The following RAB38 variants were observed in gnomAD, a reference collection of about 807,000 sequenced individuals.
The protein encoded by RAB38 is RAB38, member RAS oncogene family.
RAB38 carries 15 observed loss-of-function variants against 18.4 expected under a neutral mutation model. The observed-to-expected ratio is 0.82, with a 90% CI of 0.55 to 1.26. The LOEUF (loss-of-function observed/expected upper bound fraction) is 1.26, where lower values mean the gene tolerates loss of function less well. RAB38 is among the 50% of genes most tolerant of loss of function. RAB38 has a pLI of 0.00. For missense variants in RAB38, 294 were observed against 267.4 expected (o/e 1.10, Z -0.69); for synonymous variants, 101 against 104.4 (o/e 0.97, Z 0.20).
the RAB38 span, among the ~76,000 whole-genome samples, chr11:87,806,706 C>T: frequency 2.6e-5 from 4 of 151,976 alleles, no homozygotes; most frequent in Non-Finnish European, 4.4e-5. Flanking sequence ...ATATTTATGA[C>T]AGTGGCAGAG....
At chr11:87,899,954 C>T in the RAB38 span, among the ~76,000 whole-genome samples, 3 of 151,072 alleles carry the variant, frequency 2.0e-5, no homozygotes, top group Admixed American at 2.0e-4. Context: ...CTCTCTACTC[C>T]TTCCGTTTTT....
chr11:87,873,922 G>GTATATATA, the RAB38 span, among the ~76,000 whole-genome samples: 12,799 of 102,632 alleles, frequency 0.12, 1,017 homozygotes, highest in Non-Finnish European at 0.16. Context: ...GTGTGTGTGT[G>GTATATATA]TATATATATA....
the RAB38 span, among the ~76,000 whole-genome samples, chr11:87,924,861 A>T: frequency 2.2e-4 from 34 of 152,122 alleles, no homozygotes; most frequent in African/African-American, 7.7e-4. Flanking sequence ...CTCATTGTGT[A>T]TACAAATGTG....
chr11:87,974,700 C>T, the RAB38 span, among the ~76,000 whole-genome samples: 10 of 150,670 alleles, frequency 6.6e-5, no homozygotes, highest in African/African-American at 2.4e-4. Flanking sequence ...CTGCTGAAAA[C>T]CAAGCCTGCT....
intron 2 of RAB38, among the ~76,000 whole-genome samples, chr11:88,129,635 C>G (rs974298170): frequency 2.0e-5 from 3 of 152,106 alleles, no homozygotes; most frequent in Non-Finnish European, 4.4e-5. Context: ...CAAAGTGAGA[C>G]TCCATCTCAA....
chr11:88,078,795 G>A, the RAB38 span, among the ~76,000 whole-genome samples: 5 of 151,746 alleles, frequency 3.3e-5, no homozygotes, highest in Admixed American at 2.6e-4. Context: ...GAAGAAATAA[G>A]ACTTCGTGTT....
At chr11:88,154,440 G>T (rs1387856044) in intron 1 of RAB38, among the ~76,000 whole-genome samples, 1 of 152,172 alleles carries the variant, frequency 6.6e-6, no homozygotes, top group African/African-American at 2.4e-5. Flanking sequence ...TTTCTACTGG[G>T]CAGTAATACT....
chr11:87,807,297 G>A, the RAB38 span, among the ~76,000 whole-genome samples: 2 of 152,186 alleles, frequency 1.3e-5, no homozygotes, highest in African/African-American at 2.4e-5. Context: ...AACAAAGTTT[G>A]AGATTTAAAG....
At chr11:88,051,128 C>G in the RAB38 span, among the ~76,000 whole-genome samples, 10 of 151,426 alleles carry the variant, frequency 6.6e-5, no homozygotes, top group African/African-American at 1.7e-4. Context: ...GTTTTGGTAC[C>G]CTCTTAATTT....
the RAB38 span, among the ~76,000 whole-genome samples, chr11:87,956,135 TGTAA>T: frequency 0.36 from 54,402 of 151,646 alleles, 10,206 homozygotes; most frequent in South Asian, 0.52. Flanking sequence ...ACCTTGTAAC[TGTAA>T]GTAAGTAAAT....
intron 1 of RAB38, among the ~76,000 whole-genome samples, chr11:88,169,286 G>A (rs892652811): frequency 2.0e-5 from 3 of 152,136 alleles, no homozygotes; most frequent in African/African-American, 7.2e-5. Flanking sequence ...CTTACAAATA[G>A]CATCATTTAC....
the RAB38 span, among the ~76,000 whole-genome samples, chr11:87,866,888 G>C: frequency 6.6e-6 from 1 of 151,704 alleles, no homozygotes; most frequent in Non-Finnish European, 1.5e-5. Context: ...GTGGAGACTT[G>C]GTCAAGTTGG....
At chr11:88,023,241 T>G in the RAB38 span, among the ~76,000 whole-genome samples, 1 of 152,020 alleles carries the variant, frequency 6.6e-6, no homozygotes, top group African/African-American at 2.4e-5. Flanking sequence ...ACAAAATCAG[T>G]AATATTTCTA....
chr11:87,948,495 C>T, the RAB38 span, among the ~76,000 whole-genome samples: 6 of 151,788 alleles, frequency 4.0e-5, no homozygotes, highest in South Asian at 6.3e-4. Context: ...GGAATGCTTC[C>T]AGTTTTTGCC....
chr11:87,971,620 T>G, the RAB38 span, among the ~76,000 whole-genome samples: 4 of 152,238 alleles, frequency 2.6e-5, no homozygotes, highest in Admixed American at 2.6e-4. Context: ...GCTAACAGCT[T>G]ATTTTCACTA....
the RAB38 span, among the ~76,000 whole-genome samples, chr11:87,890,054 A>G: frequency 6.6e-6 from 1 of 151,858 alleles, no homozygotes; most frequent in South Asian, 2.1e-4. Context: ...ACACTACTCC[A>G]GTAATTAGAT....
intron 2 of RAB38, among the ~76,000 whole-genome samples, chr11:88,135,099 AAACAAC>A (rs137953672): frequency 0.018 from 2,804 of 152,124 alleles, 88 homozygotes; most frequent in African/African-American, 0.065. Flanking sequence ...TTTACCTTAA[AAACAAC>A]AACAACAACA....
chr11:88,045,037 C>T, the RAB38 span, among the ~76,000 whole-genome samples: 6 of 152,198 alleles, frequency 3.9e-5, no homozygotes, highest in Non-Finnish European at 8.8e-5. Flanking sequence ...GTTTCTTTAT[C>T]TGACCTCTCC....
At chr11:88,051,536 CAA>C in the RAB38 span, among the ~76,000 whole-genome samples, 1 of 127,006 alleles carries the variant, frequency 7.9e-6, no homozygotes. Context: ...CGGAACCTAA[CAA>C]AAAAAAAAAA....
Sources: allele counts gnomAD v4.1 joint callset (sites outside exome capture counted in the v4.1 genomes callset), GRCh38; gene constraint gnomAD v4.1.1; transcripts MANE v1.5; gene names NCBI Gene and HGNC (gene_info 2026-07-23, HGNC 2026-07-21).